Variants in INPP5D observed in about 807,000 individuals in gnomAD.
INPP5D encodes phosphatidylinositol 3,4,5-trisphosphate 5-phosphatase 1.
Under a neutral mutation model 122.9 loss-of-function variants are expected in INPP5D, and 33 were observed. The observed-to-expected ratio is 0.27, with a 90% confidence interval of 0.20 to 0.36. The LOEUF (loss-of-function observed/expected upper bound fraction) is 0.36. Ranked by LOEUF, INPP5D falls within the 10% of genes least tolerant of loss-of-function variation. The pLI, the probability that INPP5D is intolerant of heterozygous loss-of-function variation, is 1.00. For missense variants in INPP5D, 1,053 were observed against 1,412.7 expected (o/e 0.75, Z 4.08); for synonymous variants, 584 against 576.2 (o/e 1.01, Z -0.19).
intron 2 of INPP5D, among the ~76,000 whole-genome samples, chr2:233,089,931 C>A (rs1011297542): frequency 4.6e-5 from 7 of 152,222 alleles, no homozygotes; most frequent in Non-Finnish European, 1.0e-4. Flanking sequence ...CCCAGCCATG[C>A]CTTCCAAAGA....
chr2:233,184,587 A>G, intron 20 of INPP5D, 66 bp downstream of exon 20: 3 of 1,579,662 alleles, frequency 1.9e-6, no homozygotes, highest in Middle Eastern at 1.7e-4. Flanking sequence ...CACCTTTCAT[A>G]CTTGGCACTT....
chr2:233,118,209 C>T (rs13432627), intron 2 of INPP5D, among the ~76,000 whole-genome samples: 17,304 of 152,168 alleles, frequency 0.11, 2,145 homozygotes, highest in African/African-American at 0.31. Context: ...CACACCCAGG[C>T]ACGGTTGCCC....
Position 233,206,595 on chromosome 2 carries a change from C to T in INPP5D, c.3568-111C>T. ...AGTGAGTGCTGGCTCTTCTCAGCTA[C>T]ACGTTAAAGGAAGCCTGGCCTAGCC... On this transcript the variant is annotated intron_variant, in intron 26 of 26. Transcript: ENST00000445964. The surrounding 1 kb of genome is among the most constrained non-coding windows in gnomAD (Gnocchi z 4.0). The T allele has an allele frequency of 3.0e-6, 2 of 677,030 alleles. No homozygotes were observed. The highest frequency in any genetic ancestry group is 5.5e-6 in the Non-Finnish European group (2 of 363,460). 41.9% of individuals were successfully genotyped at this position (677,030 alleles called of 1,614,324 possible). A position where few individuals can be genotyped will look rare whatever the true frequency, so the allele number is the denominator to read the frequency against.
At chr2:233,142,496 T>A (rs914958215) in intron 6 of INPP5D, among the ~76,000 whole-genome samples, 1 of 152,266 alleles carries the variant, frequency 6.6e-6, no homozygotes, top group Admixed American at 6.5e-5. Context: ...CCTGCTAGAC[T>A]CTCACCAACA....
chr2:233,158,974 G>A (rs537896812), intron 10 of INPP5D, among the ~76,000 whole-genome samples: 11 of 152,200 alleles, frequency 7.2e-5, no homozygotes, highest in African/African-American at 2.2e-4. Flanking sequence ...TAGAGACAGA[G>A]TCTCGCCGTG....
intron 2 of INPP5D, among the ~76,000 whole-genome samples, chr2:233,121,585 G>A (rs1692981201): frequency 6.6e-6 from 1 of 151,436 alleles, no homozygotes; most frequent in African/African-American, 2.4e-5. Flanking sequence ...GCGCAATCTC[G>A]GCTCACTGCA....
intron 5 of INPP5D, among the ~76,000 whole-genome samples, chr2:233,137,895 T>TACAC (rs1559313493): frequency 1.9e-5 from 1 of 51,934 alleles, no homozygotes; most frequent in African/African-American, 6.5e-5. Context: ...TATATATATA[T>TACAC]ATACACACAC....
intron 2 of INPP5D, among the ~76,000 whole-genome samples, chr2:233,085,682 C>T (rs919601536): frequency 6.6e-6 from 1 of 152,104 alleles, no homozygotes; most frequent in Admixed American, 6.6e-5. Flanking sequence ...CCTGAGAAAG[C>T]CAAGCCTCCC....
chr2:233,091,013 T>C (rs4335931), intron 2 of INPP5D, among the ~76,000 whole-genome samples: 89,327 of 151,674 alleles, frequency 0.59, 28,344 homozygotes, highest in African/African-American at 0.81. Flanking sequence ...AAGATACCAC[T>C]GGCTGCTTGG....
chr2:233,146,339 C>G, intron 7 of INPP5D, 28 bp from the exon 8 acceptor site: 1 of 704,292 alleles, frequency 1.4e-6, no homozygotes, highest in South Asian at 1.5e-5. Flanking sequence ...TCCCCTTGAC[C>G]CTCTGTCTCT....
rs1047261005 is a variant in INPP5D at position 233,189,058 on chromosome 2, C to T, written c.2359-792C>T. Among the ~76,000 whole-genome samples, 13 of 152,194 alleles carry T rather than the reference C, an allele frequency of 8.5e-5. No individual in the cohort carries two copies. Among genetic ancestry groups the T allele is most frequent in the South Asian group, 2.1e-4 (1 of 4,832 alleles). ...CCCCACATCTGAAAAAGTCATAACT[C>T]GTGGCAGACGAGGAGCTAGTGTGCG... On this transcript the variant is annotated intron_variant, in intron 21 of 26. Transcript: ENST00000445964. This position sits in a 1 kb window ranked among gnomAD's most constrained non-coding sequence, Gnocchi z 5.6.
At chr2:233,196,141 AC>A (rs1338144229) in intron 24 of INPP5D, among the ~76,000 whole-genome samples, 1 of 152,052 alleles carries the variant, frequency 6.6e-6, no homozygotes, top group Non-Finnish European at 1.5e-5. Context: ...ACAAAACAAA[AC>A]ACTAGCATGG....
At chr2:233,084,105 A>T (rs962118491) in intron 2 of INPP5D, among the ~76,000 whole-genome samples, 4 of 152,206 alleles carry the variant, frequency 2.6e-5, no homozygotes, top group African/African-American at 9.7e-5. Context: ...ACCAGGCTGG[A>T]GTGCAGTGGC....
Position 233,206,265 on chromosome 2 carries a change from G to T in INPP5D, c.3568-441G>T, listed in dbSNP as rs568290149. Among the ~76,000 whole-genome samples, 2 of 151,732 alleles carry T rather than the reference G, an allele frequency of 1.3e-5. No individual in the cohort carries two copies. The highest frequency in any genetic ancestry group is 4.8e-5 in the African/African-American group (2 of 41,394). ...ATTACCATGTATTATCATCTATATAGAAATTATATATTTATATTTATGTAT... is the reference window on the plus strand; with the variant it reads ...ATTACCATGTATTATCATCTATATATAAATTATATATTTATATTTATGTAT... On this transcript the variant is annotated intron_variant, in intron 26 of 26. Transcript: ENST00000445964. This position sits in a 1 kb window ranked among gnomAD's most constrained non-coding sequence, Gnocchi z 4.0.
At chr2:233,130,905 A>T in intron 5 of INPP5D, 1 of 628,198 alleles carries the variant, frequency 1.6e-6, no homozygotes, top group Non-Finnish European at 2.9e-6. Flanking sequence ...TGGGAAGCGG[A>T]TGGGGTGGGA....
At chr2:233,156,652 A>C (rs1694060976) in intron 9 of INPP5D, among the ~76,000 whole-genome samples, 1 of 152,128 alleles carries the variant, frequency 6.6e-6, no homozygotes, top group African/African-American at 2.4e-5. Context: ...TCTTCTGTGG[A>C]GTCACAAAGG....
chr2:233,129,249 C>T (rs752114095), intron 4 of INPP5D, among the ~76,000 whole-genome samples: 13 of 152,156 alleles, frequency 8.5e-5, no homozygotes, highest in Non-Finnish European at 1.5e-4. Flanking sequence ...AGCCTCAGTT[C>T]TCTGATTTGT....
At chr2:233,172,528 C>T (rs1694514760) in intron 17 of INPP5D, among the ~76,000 whole-genome samples, 1 of 152,150 alleles carries the variant, frequency 6.6e-6, no homozygotes, top group Non-Finnish European at 1.5e-5. Flanking sequence ...TATTGCGAGA[C>T]CTGATTGCCA....
intron 23 of INPP5D, among the ~76,000 whole-genome samples, chr2:233,195,078 G>A (rs527985428): frequency 6.6e-6 from 1 of 152,316 alleles, no homozygotes; most frequent in Admixed American, 6.5e-5. Context: ...TTACAGGCAT[G>A]AGCCACCACA....
Sources: gnomAD v4.1 joint callset for allele counts (sites outside exome capture counted in the v4.1 genomes callset) on GRCh38, gnomAD v4.1.1 for gene constraint, Gnocchi (gnomAD v3.1) non-coding constraint, MANE v1.5 for transcripts, NCBI Gene and HGNC (gene_info 2026-07-23, HGNC 2026-07-21) for gene names.